The following RAP1GAP2 variants were observed in gnomAD, a reference collection of about 807,000 sequenced individuals.
RAP1GAP2 encodes the protein RAP1 GTPase activating protein 2.
RAP1GAP2 carries 27 observed loss-of-function variants against 95.0 expected under a neutral mutation model. The ratio of observed to expected loss-of-function variants is 0.28; its 90% CI spans 0.21 to 0.39. The LOEUF (loss-of-function observed/expected upper bound fraction) is 0.39, where lower values mean the gene tolerates loss of function less well. Among genes scored for constraint, RAP1GAP2 ranks in the 10% least tolerant of loss-of-function variants. The pLI, the probability that RAP1GAP2 is intolerant of heterozygous loss-of-function variation, is 1.00. For missense variants in RAP1GAP2, 771 were observed against 970.0 expected (o/e 0.79, Z 2.72); for synonymous variants, 373 against 380.9 (o/e 0.98, Z 0.24).
chr17:2,865,372 G>A (rs1389425904), intron 2 of RAP1GAP2, among the ~76,000 whole-genome samples: 2 of 152,158 alleles, frequency 1.3e-5, no homozygotes, highest in African/African-American at 2.4e-5. Context: ...TGAATGCTTA[G>A]CCTGAGCTAA....
intron 2 of RAP1GAP2, among the ~76,000 whole-genome samples, chr17:2,893,687 C>CTT (rs2073792957): frequency 6.6e-6 from 1 of 152,222 alleles, no homozygotes; most frequent in Non-Finnish European, 1.5e-5. Context: ...GCGCTGGCTG[C>CTT]CTCTGCTCTG....
chr17:2,830,577 G>A (rs1054647081), intron 2 of RAP1GAP2, among the ~76,000 whole-genome samples: 6 of 151,982 alleles, frequency 3.9e-5, no homozygotes, highest in African/African-American at 1.5e-4. Flanking sequence ...AGCTGGGCGT[G>A]GTGGCGGGCG....
At chr17:2,818,860 A>G (rs142332456) in intron 2 of RAP1GAP2, among the ~76,000 whole-genome samples, 1 of 152,172 alleles carries the variant, frequency 6.6e-6, no homozygotes, top group Non-Finnish European at 1.5e-5. Flanking sequence ...TTGAAACTGG[A>G]CTAATAGCAA....
chr17:2,830,438 G>A (rs140279379), intron 2 of RAP1GAP2, among the ~76,000 whole-genome samples: 1 of 150,406 alleles, frequency 6.6e-6, no homozygotes, highest in African/African-American at 2.5e-5. Context: ...AAAGATGGCC[G>A]GGTGTGGTGG....
intron 3 of RAP1GAP2, 21 bp from the exon 4 acceptor site, chr17:2,957,738 C>T (rs767201243): frequency 5.6e-6 from 9 of 1,604,374 alleles, no homozygotes; most frequent in African/African-American, 1.3e-5. Flanking sequence ...GTCTTTCTGT[C>T]CCCCTGCTTT....
intron 4 of RAP1GAP2, among the ~76,000 whole-genome samples, chr17:2,962,077 TTTTTAGTAG>T (rs1411426286): frequency 6.6e-6 from 1 of 151,944 alleles, no homozygotes; most frequent in Non-Finnish European, 1.5e-5. Context: ...TAATTTTGTA[TTTTTAGTAG>T]AGACAGGGTT....
At chr17:3,013,453 C>T (rs2046634598) in intron 17 of RAP1GAP2, among the ~76,000 whole-genome samples, 1 of 152,094 alleles carries the variant, frequency 6.6e-6, no homozygotes, top group African/African-American at 2.4e-5. Flanking sequence ...GCAGAGTTGG[C>T]ATCTGTCTTG....
chr17:2,992,841 G>A lies in RAP1GAP2; in HGVS notation c.914+1444G>A, dbSNP rs142698932. ...CAGTCACACCTGGGATAAAACCCCC[G>A]CTCCATCACTTATTAGCTCTGTGAC... On this transcript the variant is annotated intron_variant, in intron 12 of 24. Transcript: ENST00000254695. Among the ~76,000 whole-genome samples, 6 of 152,070 alleles carry A rather than the reference G, an allele frequency of 3.9e-5. No homozygotes were observed. The South Asian group carries it at 1.0e-3, about 26-fold the overall frequency.
At chr17:2,887,264 C>T (rs1243545116) in intron 2 of RAP1GAP2, among the ~76,000 whole-genome samples, 1 of 151,590 alleles carries the variant, frequency 6.6e-6, no homozygotes, top group Admixed American at 6.6e-5. Context: ...CCCCATATTG[C>T]CCAGGCTGGT....
At chr17:2,821,089 G>A (rs2070284114) in intron 2 of RAP1GAP2, among the ~76,000 whole-genome samples, 1 of 151,706 alleles carries the variant, frequency 6.6e-6, no homozygotes, top group African/African-American at 2.4e-5. Flanking sequence ...TAAGCGCTTG[G>A]AAACCCTCAT....
chr17:3,006,221 C>G (rs573433709), intron 16 of RAP1GAP2, among the ~76,000 whole-genome samples, 180 bp downstream of exon 16: 1 of 150,924 alleles, frequency 6.6e-6, no homozygotes, highest in East Asian at 1.9e-4. Context: ...CTCTGCCTCC[C>G]GGGCTCAAGT....
intron 1 of RAP1GAP2, among the ~76,000 whole-genome samples, chr17:2,788,316 G>A (rs1160208719): frequency 2.0e-5 from 3 of 152,094 alleles, no homozygotes; most frequent in Non-Finnish European, 4.4e-5. Context: ...TTTGCTTTGA[G>A]ATAGAGACTG....
chr17:3,012,575 G>A (rs80351156), intron 17 of RAP1GAP2, among the ~76,000 whole-genome samples: 2,483 of 131,192 alleles, frequency 0.019, 59 homozygotes, highest in African/African-American at 0.057. Context: ...CTGAGATTGC[G>A]CCACTGCACA....
intron 3 of RAP1GAP2, among the ~76,000 whole-genome samples, chr17:2,938,086 T>C (rs1205978512): frequency 6.6e-6 from 1 of 152,148 alleles, no homozygotes; most frequent in African/African-American, 2.4e-5. Flanking sequence ...GGATCGATGA[T>C]CATCACAATC....
At chr17:2,839,336 A>G (rs1164196461) in intron 2 of RAP1GAP2, among the ~76,000 whole-genome samples, 1 of 152,090 alleles carries the variant, frequency 6.6e-6, no homozygotes, top group African/African-American at 2.4e-5. Flanking sequence ...AGAATAAAAA[A>G]TAAATAAAAT....
At chr17:2,973,851 C>T (rs1233438413) in intron 8 of RAP1GAP2, among the ~76,000 whole-genome samples, 1 of 152,074 alleles carries the variant, frequency 6.6e-6, no homozygotes, top group East Asian at 1.9e-4. Context: ...GATTTAAAAA[C>T]AAAACAATAC....
At position 2,870,455 on chromosome 17, in the gene RAP1GAP2, T is replaced by A. The variant is rs74984436; in HGVS notation, c.81-34829T>A. Among the ~76,000 whole-genome samples, 2 of 152,190 alleles carry A rather than the reference T, an allele frequency of 1.3e-5. No individual in the cohort carries two copies. The highest frequency in any genetic ancestry group is 1.9e-4 in the East Asian group (1 of 5,196). On this transcript the variant is annotated intron_variant, in intron 2 of 24. Coordinates refer to ENST00000254695, the MANE Select transcript of RAP1GAP2 (RefSeq NM_015085.5). The surrounding 1 kb of genome is among the most constrained non-coding windows in gnomAD (Gnocchi z 4.4). ...TTTGAAAGAAATGTTTATTATATTTTAAAAATCCTTGTTCCTTGCAGAAAA... is the reference window on the plus strand; with the variant it reads ...TTTGAAAGAAATGTTTATTATATTTAAAAAATCCTTGTTCCTTGCAGAAAA...
intron 5 of RAP1GAP2, 177 bp downstream of exon 5, chr17:2,962,891 AG>A: frequency 3.2e-6 from 2 of 630,816 alleles, no homozygotes; most frequent in Non-Finnish European, 5.3e-6. Context: ...TGGGCAGCAG[AG>A]GGGTCCTGGC....
chr17:2,830,064 T>C (rs2070759035), intron 2 of RAP1GAP2, among the ~76,000 whole-genome samples: 1 of 152,188 alleles, frequency 6.6e-6, no homozygotes, highest in African/African-American at 2.4e-5. Context: ...CTTTTAAGTG[T>C]ACAATACATT....
Sources: gnomAD v4.1 joint callset for allele counts (sites outside exome capture counted in the v4.1 genomes callset) on GRCh38, gnomAD v4.1.1 for gene constraint, Gnocchi (gnomAD v3.1) non-coding constraint, MANE v1.5 for transcripts, NCBI Gene and HGNC (gene_info 2026-07-23, HGNC 2026-07-21) for gene names.